Variants in LRRN1 observed in about 807,000 individuals in gnomAD.
LRRN1 encodes the protein leucine-rich repeat neuronal protein 1.
LRRN1 carries 14 observed loss-of-function variants against 45.8 expected under a neutral mutation model. That is an observed-to-expected ratio of 0.31 (90% CI 0.20 to 0.48). LRRN1 has a LOEUF of 0.48. LRRN1 is among the 20% of genes least tolerant of loss of function. LRRN1 has a pLI of 0.99. For missense variants in LRRN1, 789 were observed against 874.2 expected, an observed-to-expected ratio of 0.90 and a Z score of 1.23; for synonymous variants, 359 against 330.1, an observed-to-expected ratio of 1.09 and a Z score of -0.95.
chr3:3,824,937 C>G (rs972533584), intron 1 of LRRN1, among the ~76,000 whole-genome samples: 5 of 152,242 alleles, frequency 3.3e-5, no homozygotes, highest in African/African-American at 9.6e-5. Context: ...GTAAGGCCGT[C>G]TCTACCTTTC....
intron 1 of LRRN1, among the ~76,000 whole-genome samples, chr3:3,820,549 A>T (rs1432082301): frequency 3.9e-5 from 6 of 152,334 alleles, no homozygotes; most frequent in African/African-American, 1.4e-4. Flanking sequence ...GAGGAGATCT[A>T]TTCTGATGGA....
chr3:3,822,230 T>G (rs371632131), intron 1 of LRRN1, among the ~76,000 whole-genome samples: 9 of 152,340 alleles, frequency 5.9e-5, no homozygotes, highest in Admixed American at 1.3e-4. Context: ...AATGATTCAA[T>G]GCAGTGCATG....
At chr3:3,807,574 T>C (rs1387115641) in intron 1 of LRRN1, among the ~76,000 whole-genome samples, 1 of 152,152 alleles carries the variant, frequency 6.6e-6, no homozygotes, top group Non-Finnish European at 1.5e-5. Flanking sequence ...CAAGGTCTTA[T>C]TTCTGGTTTC....
intron 1 of LRRN1, among the ~76,000 whole-genome samples, chr3:3,829,693 C>A (rs1372847439): frequency 6.6e-6 from 1 of 152,206 alleles, no homozygotes; most frequent in East Asian, 1.9e-4. Context: ...CATGAGCCCA[C>A]TGCCACACTT....
chr3:3,814,564 A>T (rs979846431), intron 1 of LRRN1, among the ~76,000 whole-genome samples: 1 of 152,094 alleles, frequency 6.6e-6, no homozygotes, highest in African/African-American at 2.4e-5. Context: ...TTGGAACTTA[A>T]ACCCCAAGGT....
Position 3,846,828 on chromosome 3 carries a change from C to T in LRRN1, c.*36C>T, listed in dbSNP as rs201278689. On this transcript the variant is annotated 3_prime_UTR_variant, in exon 2 of 2. Coordinates refer to ENST00000319331, the MANE Select transcript of LRRN1 (RefSeq NM_020873.7). This position sits in a 1 kb window ranked among gnomAD's most constrained non-coding sequence, Gnocchi z 5.7. ...ATTTTGCTTCTGGTAGTAAGGAGCA[C>T]AAAGACGTTTTTGCTTTATTCTGCA... The T allele has an allele frequency of 2.0e-6, 3 of 1,506,768 alleles. No homozygotes were observed. The highest frequency in any genetic ancestry group is 2.3e-5 in the East Asian group (1 of 43,782). 93.3% of individuals were successfully genotyped at this position (1,506,768 alleles called of 1,614,324 possible).
Position 3,845,419 on chromosome 3 carries a change from C to A in LRRN1, c.778C>A (p.Gln260Lys), listed in dbSNP as rs1447154408. ...GGTTAAAGTCCCTCAACTTGCCCTG[C>A]AAAAAGTTCCAAATTTGAAATTCTT... ...KLVKVPQLAL[Q>K]KVPNLKFLDL... The change falls in exon 2 of 2, where the codon CAA becomes AAA. Residue 260 changes from glutamine (Q) to lysine (K), a missense_variant. Physicochemically the swap from Gln to Lys is moderately conservative, Grantham distance 53 (BLOSUM62 1). Transcript: ENST00000319331. The surrounding 1 kb of genome is among the most constrained non-coding windows in gnomAD (Gnocchi z 6.5). The A allele has an allele frequency of 6.2e-7, 1 of 1,614,062 alleles. No homozygotes were observed. Among genetic ancestry groups the A allele is most frequent in the South Asian group, 1.1e-5 (1 of 91,076 alleles).
At chr3:3,828,353 G>C (rs1693276960) in intron 1 of LRRN1, among the ~76,000 whole-genome samples, 1 of 151,922 alleles carries the variant, frequency 6.6e-6, no homozygotes, top group South Asian at 2.1e-4. Context: ...TAGGCTAGGA[G>C]GCTAGACCCG....
intron 1 of LRRN1, among the ~76,000 whole-genome samples, chr3:3,820,686 A>G (rs1287428298): frequency 1.3e-5 from 2 of 152,238 alleles, no homozygotes; most frequent in African/African-American, 2.4e-5. Flanking sequence ...TCTCGCAGGT[A>G]TAGCGAGAGA....
At chr3:3,835,402 T>A (rs140678330) in intron 1 of LRRN1, among the ~76,000 whole-genome samples, 1 of 152,328 alleles carries the variant, frequency 6.6e-6, no homozygotes, top group Non-Finnish European at 1.5e-5. Context: ...TGGTTTCTAC[T>A]AAGTGTGTAC....
chr3:3,817,431 G>A (rs1693011164), intron 1 of LRRN1, among the ~76,000 whole-genome samples: 1 of 152,196 alleles, frequency 6.6e-6, no homozygotes, highest in African/African-American at 2.4e-5. Context: ...GACAAGTACT[G>A]TCTCATTCAC....
chr3:3,834,545 T>TATATATATATATATATATG (rs1303738215), intron 1 of LRRN1, among the ~76,000 whole-genome samples: 1 of 115,482 alleles, frequency 8.7e-6, no homozygotes, highest in African/African-American at 3.3e-5. Flanking sequence ...TATATATATA[T>TATATATATATATATATATG]ATATATATGA....
chr3:3,806,979 C>G (rs1182149068), intron 1 of LRRN1, among the ~76,000 whole-genome samples: 1 of 152,174 alleles, frequency 6.6e-6, no homozygotes, highest in Non-Finnish European at 1.5e-5. Context: ...TCTCTCAGAC[C>G]TAGTGTCTTC....
chr3:3,819,946 A>C (rs1202117121), intron 1 of LRRN1, among the ~76,000 whole-genome samples: 1 of 152,136 alleles, frequency 6.6e-6, no homozygotes, highest in Non-Finnish European at 1.5e-5. Flanking sequence ...GAAAAGTATC[A>C]TGTGTGGAGC....
In LRRN1 at chr3:3,846,483, C is replaced by T; in HGVS notation, c.1842C>T (p.Thr614=). 6.2e-7 allele frequency: 1 copy of T among 1,614,134 alleles called. No individual in the cohort carries two copies. The highest frequency in any genetic ancestry group is 8.5e-7 in the Non-Finnish European group (1 of 1,180,026). ...QTQKSCVNVT[T]KNAAFAVDIS... ...AAAAGTCATGCGTAAATGTCACAAC[C>T]AAAAATGCCGCCTTCGCAGTGGACA... is the stretch of plus-strand genomic sequence containing the variant. The change falls in exon 2 of 2, where the codon ACC becomes ACT. Residue 614 remains threonine, a synonymous_variant. Transcript: ENST00000319331. The surrounding 1 kb of genome is among the most constrained non-coding windows in gnomAD (Gnocchi z 5.7).
rs1279837783 is a variant in LRRN1, at chr3:3,816,992, TAGAG to T, written c.-279+17077_-279+17080del. Among the ~76,000 whole-genome samples, 2 of 152,094 alleles carry T rather than the reference TAGAG, an allele frequency of 1.3e-5. No individual in the cohort carries two copies. The highest frequency in any genetic ancestry group is 6.5e-5 in the Admixed American group (1 of 15,268). On this transcript the variant is annotated intron_variant, in intron 1 of 1. Coordinates refer to ENST00000319331, the MANE Select transcript of LRRN1 (RefSeq NM_020873.7). The surrounding 1 kb of genome is among the most constrained non-coding windows in gnomAD (Gnocchi z 4.0). ...GATTGATAAGATAGATAAGATACGATAGAGAGATTTATTACAGGAATTAGCCTAC... is the reference window on the plus strand; with the variant it reads ...GATTGATAAGATAGATAAGATACGATAGATTTATTACAGGAATTAGCCTAC...
intron 1 of LRRN1, among the ~76,000 whole-genome samples, chr3:3,802,350 T>C (rs1217729885): frequency 6.6e-6 from 1 of 152,204 alleles, no homozygotes; most frequent in Non-Finnish European, 1.5e-5. Flanking sequence ...TGGCCTCTTC[T>C]TTTGTCAACC....
At chr3:3,824,450 C>A (rs1371805852) in intron 1 of LRRN1, among the ~76,000 whole-genome samples, 2 of 152,036 alleles carry the variant, frequency 1.3e-5, no homozygotes, top group African/African-American at 4.8e-5. Flanking sequence ...TGCAATTTGG[C>A]TGTGCTTATA....
At chr3:3,808,876 A>G (rs1237632649) in intron 1 of LRRN1, among the ~76,000 whole-genome samples, 1 of 152,142 alleles carries the variant, frequency 6.6e-6, no homozygotes, top group Admixed American at 6.5e-5. Context: ...TTAAAATTAT[A>G]TTAGAATTAT....
Sources: gnomAD v4.1 joint callset for allele counts (sites outside exome capture counted in the v4.1 genomes callset) on GRCh38, gnomAD v4.1.1 for gene constraint, Gnocchi (gnomAD v3.1) non-coding constraint, MANE v1.5 for transcripts, NCBI Gene and HGNC (gene_info 2026-07-23, HGNC 2026-07-21) for gene names.